ACAD10: variants seen among roughly 807,000 people sequenced by gnomAD.
ACAD10 encodes the protein acyl-CoA dehydrogenase family member 10.
Under a neutral mutation model 116.8 loss-of-function variants are expected in ACAD10, and 112 were observed. That is an observed-to-expected ratio of 0.96 (90% CI 0.82 to 1.12). ACAD10 has a LOEUF of 1.12. Ranked by LOEUF, ACAD10 falls within the 50% of genes most tolerant of loss-of-function variation. The probability of loss-of-function intolerance (pLI) is 0.00; values close to 1 mark genes in which losing one functional copy is unlikely to be tolerated. For synonymous variants in ACAD10, 486 were observed against 510.6 expected, an observed-to-expected ratio of 0.95 and a Z score of 0.65; for missense variants, 1,259 against 1,350.2, an observed-to-expected ratio of 0.93 and a Z score of 1.06.
At chr12:111,690,857 G>A (rs1304131956) in intron 1 of ACAD10, among the ~76,000 whole-genome samples, 1 of 151,554 alleles carries the variant, frequency 6.6e-6, no homozygotes, top group Admixed American at 6.6e-5. Flanking sequence ...GATGCTCAAA[G>A]TATATAGTTT....
At chr12:111,747,697 C>A in intron 16 of ACAD10, 3 of 1,165,726 alleles carry the variant, frequency 2.6e-6, no homozygotes, top group Non-Finnish European at 3.2e-6. Flanking sequence ...AGCTCCCCTT[C>A]CTTGGTGGCT....
chr12:111,756,151 G>A (rs994198811), intron 20 of ACAD10, 182 bp from the exon 21 acceptor site: 24 of 1,423,412 alleles, frequency 1.7e-5, no homozygotes, highest in Non-Finnish European at 1.9e-5. Context: ...TCTGGAGGCC[G>A]TGGGATGGCA....
At chr12:111,723,723 C>T (rs1368913955) in intron 8 of ACAD10, among the ~76,000 whole-genome samples, 3 of 146,818 alleles carry the variant, frequency 2.0e-5, no homozygotes, top group East Asian at 4.1e-4. Flanking sequence ...GGTGGCTGCC[C>T]GGCGGAGACG....
chr12:111,688,642 A>G (rs1447251569), intron 1 of ACAD10, among the ~76,000 whole-genome samples: 1 of 151,852 alleles, frequency 6.6e-6, no homozygotes, highest in African/African-American at 2.4e-5. Flanking sequence ...TCTCCACTAT[A>G]AAAATACAAA....
At chr12:111,694,312 A>C (rs1436591714) in intron 2 of ACAD10, among the ~76,000 whole-genome samples, 1 of 152,232 alleles carries the variant, frequency 6.6e-6, no homozygotes, top group East Asian at 1.9e-4. Flanking sequence ...TGTTTACCTC[A>C]GGGGCTGTTC....
chr12:111,712,600 A>G lies in ACAD10; in HGVS notation c.793A>G (p.Ile265Val). Residue 265 changes from isoleucine (I) to valine (V), a missense_variant, in exon 6 of 21, where the codon ATT becomes GTT. Physicochemically the swap from Ile to Val is conservative, Grantham distance 29 (BLOSUM62 3). Coordinates refer to ENST00000313698, the MANE Select transcript of ACAD10 (RefSeq NM_025247.6). Reference protein sequence around the residue: ...NTRPVKKTMEIPKDSLQKYLK... With the variant: ...NTRPVKKTMEVPKDSLQKYLK... ...TCGGCCTGTGAAAAAGACGATGGAA[A>G]TTCCGAAAGATTCCTTGCAGAAGTA... 1.2e-6 allele frequency: 2 copies of G among 1,614,184 alleles called. No homozygotes were observed. The highest frequency in any genetic ancestry group is 1.7e-6 in the Non-Finnish European group (2 of 1,180,022).
At chr12:111,696,349 C>T (rs1888190061) in intron 2 of ACAD10, among the ~76,000 whole-genome samples, 1 of 152,160 alleles carries the variant, frequency 6.6e-6, no homozygotes, top group Non-Finnish European at 1.5e-5. Context: ...TACCATGCCT[C>T]ACCTGCTGTC....
At chr12:111,708,061 C>T (rs1888563780) in intron 4 of ACAD10, among the ~76,000 whole-genome samples, 1 of 152,192 alleles carries the variant, frequency 6.6e-6, no homozygotes, top group Non-Finnish European at 1.5e-5. Flanking sequence ...GAGGCTTCCC[C>T]TCCATCTTCC....
At chr12:111,748,118 G>T (rs1023949463) in intron 16 of ACAD10, among the ~76,000 whole-genome samples, 199 bp from the exon 17 acceptor site, 2 of 152,154 alleles carry the variant, frequency 1.3e-5, no homozygotes, top group Non-Finnish European at 2.9e-5. Context: ...TATGATGTTG[G>T]ATTCATTCCT....
At chr12:111,712,958 A>G (rs575013531) in intron 6 of ACAD10, among the ~76,000 whole-genome samples, 1 of 152,318 alleles carries the variant, frequency 6.6e-6, no homozygotes, top group South Asian at 2.1e-4. Flanking sequence ...GTGTGTGCTC[A>G]GAGGATTTTA....
rs1889176363 is a variant in ACAD10, at chr12:111,725,160, T to A, written c.1062-2802T>A. On this transcript the variant is annotated intron_variant, in intron 8 of 20. Transcript: ENST00000313698. Reference sequence around the variant, plus strand: ...TATACTTTTAACATGTAGATAATGATTTTTTTTGGCTGAACCTTTTGAAAT... The same window carrying A: ...TATACTTTTAACATGTAGATAATGAATTTTTTTGGCTGAACCTTTTGAAAT... Among the ~76,000 whole-genome samples, 3 of 152,096 alleles carry A rather than the reference T, an allele frequency of 2.0e-5. No homozygotes were observed. The South Asian group carries it at 6.2e-4, about 32-fold the overall frequency.
Position 111,753,827 on chromosome 12 carries a change from C to A in ACAD10, c.2873C>A (p.Ala958Glu), listed in dbSNP as rs375809754. 55 of 1,613,926 alleles carry A rather than the reference C, an allele frequency of 3.4e-5. No homozygotes were observed. The highest frequency in any genetic ancestry group is 4.5e-5 in the Non-Finnish European group (53 of 1,180,058). Residue 958 changes from alanine to glutamate, a missense_variant, in exon 19 of 21, where the codon GCG (alanine) becomes GAG (glutamate). Ala to Glu is a moderately radical substitution (Grantham distance 107, BLOSUM62 -1). Transcript: ENST00000313698. Reference sequence around the variant, plus strand: ...CTGGTGGAGCAGGGCACAGTGCTGGCGGACATCGCGCAGTCGCGCGTGGAG... The same window carrying A: ...CTGGTGGAGCAGGGCACAGTGCTGGAGGACATCGCGCAGTCGCGCGTGGAG... ...KPLVEQGTVL[A>E]DIAQSRVEIE...
intron 1 of ACAD10, chr12:111,688,147 G>C (rs1000875565): frequency 6.6e-6 from 1 of 152,178 alleles, no homozygotes; most frequent in Non-Finnish European, 1.5e-5. Flanking sequence ...TGACAGGCGT[G>C]AGCCACCGCG....
rs755922722 is a variant in ACAD10, at chr12:111,749,362, G to T, written c.2817+17G>T. 6.3e-7 allele frequency: 1 copy of T among 1,594,734 alleles called. No individual in the cohort carries two copies. On this transcript the variant is annotated intron_variant, in intron 18 of 20. Transcript: ENST00000313698. ...AAGGCCCGCGTGAGTGCTTTCCCCC[G>T]CACCCAGCACTGACTCAGAACCACC... is the stretch of plus-strand genomic sequence containing the variant.
intron 2 of ACAD10, chr12:111,693,195 A>C: frequency 3.1e-6 from 1 of 326,562 alleles, no homozygotes; most frequent in Non-Finnish European, 5.7e-6. Flanking sequence ...TGCTCAGTGC[A>C]TCCTAAATTC....
At chr12:111,725,636 G>A (rs1049708734) in intron 8 of ACAD10, among the ~76,000 whole-genome samples, 12 of 151,794 alleles carry the variant, frequency 7.9e-5, no homozygotes, top group African/African-American at 1.9e-4. Flanking sequence ...CTGGATTCAA[G>A]CAGTTCTCCT....
chr12:111,756,703 G>A lies in ACAD10; in HGVS notation c.*230G>A, dbSNP rs1264457271. 1 of 740,302 alleles carries A rather than the reference G, an allele frequency of 1.4e-6. No individual in the cohort carries two copies. Among genetic ancestry groups the A allele is most frequent in the Non-Finnish European group, 2.3e-6 (1 of 429,756 alleles). 45.9% of individuals were successfully genotyped at this position (740,302 alleles called of 1,614,324 possible). A position where few individuals can be genotyped will look rare whatever the true frequency, so the allele number is the denominator to read the frequency against. ...AGGAGGGGATTTGCTGAGGGCCAAG[G>A]GGGTTCTGGGACAGAGTCTGGAAAG... is the stretch of plus-strand genomic sequence containing the variant. On this transcript the variant is annotated 3_prime_UTR_variant, in exon 21 of 21. Coordinates refer to ENST00000313698, the MANE Select transcript of ACAD10 (RefSeq NM_025247.6).
At chr12:111,725,505 C>T (rs1357372982) in intron 8 of ACAD10, among the ~76,000 whole-genome samples, 1 of 151,824 alleles carries the variant, frequency 6.6e-6, no homozygotes, top group African/African-American at 2.4e-5. Flanking sequence ...TAGAGTGAGA[C>T]CCTGTCTTTT....
At chr12:111,737,084 G>A (rs1176268943) in intron 12 of ACAD10, 80 bp downstream of exon 12, 2 of 1,451,996 alleles carry the variant, frequency 1.4e-6, no homozygotes, top group Non-Finnish European at 1.9e-6. Context: ...AACCCTCTCA[G>A]GGCCACAGAG....
Sources: allele counts gnomAD v4.1 joint callset (sites outside exome capture counted in the v4.1 genomes callset), GRCh38; gene constraint gnomAD v4.1.1; transcripts MANE v1.5; gene names NCBI Gene and HGNC (gene_info 2026-07-23, HGNC 2026-07-21).